The following RASGRF2 variants were observed in gnomAD, a reference collection of about 807,000 sequenced individuals.
The protein encoded by RASGRF2 is Ras protein specific guanine nucleotide releasing factor 2, also known as ras-specific guanine nucleotide-releasing factor 2.
In RASGRF2, 76 loss-of-function variants were observed where a neutral mutation model predicts 151.0. The observed-to-expected ratio is 0.50, with a 90% CI of 0.42 to 0.61. The LOEUF is 0.61. Ranked by LOEUF, RASGRF2 falls within the 20% of genes least tolerant of loss-of-function variation. The pLI is 0.00. For synonymous variants in RASGRF2, 504 were observed against 566.5 expected, an observed-to-expected ratio of 0.89 and a Z score of 1.57; for missense variants, 1,148 against 1,564.6, an observed-to-expected ratio of 0.73 and a Z score of 4.49.
chr5:81,033,653 T>G (rs1017607605), intron 1 of RASGRF2, among the ~76,000 whole-genome samples: 1 of 151,584 alleles, frequency 6.6e-6, no homozygotes, highest in African/African-American at 2.4e-5. Context: ...TAATTCAAGA[T>G]GGATTAAAGA....
chr5:81,185,665 T>C (rs1203207702), intron 18 of RASGRF2, among the ~76,000 whole-genome samples: 4 of 152,128 alleles, frequency 2.6e-5, no homozygotes, highest in Non-Finnish European at 4.4e-5. Context: ...TACACTATCA[T>C]ACTAAATTAT....
chr5:81,017,015 T>G (rs1400369643), intron 1 of RASGRF2, among the ~76,000 whole-genome samples: 2 of 152,196 alleles, frequency 1.3e-5, no homozygotes, highest in African/African-American at 4.8e-5. Context: ...TGTTTTTGTA[T>G]GTGCTGGTTG....
chr5:81,195,555 G>C (rs1755245208), intron 18 of RASGRF2, among the ~76,000 whole-genome samples: 1 of 147,314 alleles, frequency 6.8e-6, no homozygotes, highest in South Asian at 2.1e-4. Context: ...TTTACTTCTT[G>C]AGATTTTTTT....
intron 22 of RASGRF2, among the ~76,000 whole-genome samples, chr5:81,209,830 C>T (rs1235143043): frequency 6.6e-6 from 1 of 152,166 alleles, no homozygotes. Context: ...TTCATCTGCA[C>T]CCCAGAGCCG....
At chr5:81,045,987 C>T (rs1000951559) in intron 2 of RASGRF2, among the ~76,000 whole-genome samples, 1 of 152,146 alleles carries the variant, frequency 6.6e-6, no homozygotes, top group Non-Finnish European at 1.5e-5. Flanking sequence ...ATTTCACCCT[C>T]GAAAGACAGT....
intron 12 of RASGRF2, among the ~76,000 whole-genome samples, chr5:81,103,987 A>G (rs1373248827): frequency 6.6e-6 from 1 of 151,868 alleles, no homozygotes; most frequent in Non-Finnish European, 1.5e-5. Flanking sequence ...TTAAATGCAA[A>G]TAATATTGTA....
At chr5:81,014,095 T>C (rs967751387) in intron 1 of RASGRF2, among the ~76,000 whole-genome samples, 1 of 152,206 alleles carries the variant, frequency 6.6e-6, no homozygotes, top group Admixed American at 6.6e-5. Context: ...TAACTTCTTG[T>C]GGTCTATTTT....
chr5:81,175,153 A>G (rs1448577306), intron 17 of RASGRF2, among the ~76,000 whole-genome samples: 1 of 152,174 alleles, frequency 6.6e-6, no homozygotes, highest in Non-Finnish European at 1.5e-5. Context: ...TTTGCTTGCA[A>G]ATTGGGATAA....
At chr5:81,195,603 G>C (rs1334166955) in intron 18 of RASGRF2, among the ~76,000 whole-genome samples, 2 of 149,090 alleles carry the variant, frequency 1.3e-5, no homozygotes, top group African/African-American at 5.0e-5. Context: ...GATAAACAAA[G>C]GTAATGTAAG....
rs575991908 is a variant in RASGRF2 at position 81,217,228 on chromosome 5, A to G, written c.3435-128A>G. The G allele has an allele frequency of 8.8e-6, 12 of 1,368,260 alleles. No homozygotes were observed. The African/African-American group carries it at 1.2e-4, about 13-fold the overall frequency. The allele number at this position is 1,368,260 out of a possible 1,614,324, so 84.8% of individuals were successfully genotyped here. A position where few individuals can be genotyped will look rare whatever the true frequency, so the allele number is the denominator to read the frequency against. On this transcript the variant is annotated intron_variant, in intron 24 of 26. Coordinates refer to ENST00000265080, the MANE Select transcript of RASGRF2 (RefSeq NM_006909.3). Reference sequence around the variant, plus strand: ...CTGCGTATTATGAATATGCTTCTGAAACTGAAATAAAAAGGTTTTGCTCTT... The same window carrying G: ...CTGCGTATTATGAATATGCTTCTGAGACTGAAATAAAAAGGTTTTGCTCTT...
chr5:81,111,257 T>TC (rs1752984563), intron 13 of RASGRF2, among the ~76,000 whole-genome samples: 1 of 152,160 alleles, frequency 6.6e-6, no homozygotes, highest in African/African-American at 2.4e-5. Flanking sequence ...ACTTCATTGA[T>TC]CGCCGGTCCT....
At chr5:81,107,343 CAGA>C (rs1752873917) in intron 12 of RASGRF2, among the ~76,000 whole-genome samples, 1 of 152,024 alleles carries the variant, frequency 6.6e-6, no homozygotes. Flanking sequence ...GCCTAGGCAA[CAGA>C]ATGACAGTGT....
chr5:81,223,098 G>A (rs1755888722), intron 26 of RASGRF2, among the ~76,000 whole-genome samples: 1 of 152,164 alleles, frequency 6.6e-6, no homozygotes, highest in Non-Finnish European at 1.5e-5. Context: ...TAAGGAGAAA[G>A]TTGTATCATA....
chr5:80,966,702 C>T (rs1747734602), intron 1 of RASGRF2, among the ~76,000 whole-genome samples: 1 of 152,094 alleles, frequency 6.6e-6, no homozygotes, highest in Non-Finnish European at 1.5e-5. Context: ...ATATTGGCAT[C>T]AGTAGGTGGA....
At chr5:81,139,751 A>G (rs977450970) in intron 17 of RASGRF2, among the ~76,000 whole-genome samples, 5 of 151,998 alleles carry the variant, frequency 3.3e-5, no homozygotes, top group African/African-American at 1.2e-4. Flanking sequence ...TAAACATACA[A>G]TCAGCTCACA....
rs1356534414 is a variant in RASGRF2 at position 80,960,372 on chromosome 5, C to G, written c.-367C>G. On this transcript the variant is annotated 5_prime_UTR_variant, in exon 1 of 27. Coordinates refer to ENST00000265080, the MANE Select transcript of RASGRF2 (RefSeq NM_006909.3). This position sits in a 1 kb window ranked among gnomAD's most constrained non-coding sequence, Gnocchi z 5.5. ...CGCGTTGCCCGAGGACAGTCCTTCC[C>G]CGGCTGCCGCCCCAGCCCGCCGCGG... 6.6e-6 allele frequency among the ~76,000 whole-genome samples: 1 copy of G among 151,116 alleles called. No homozygotes were observed. Among genetic ancestry groups the G allele is most frequent in the African/African-American group, 2.4e-5 (1 of 41,346 alleles).
At chr5:81,151,489 C>T (rs1456857434) in intron 17 of RASGRF2, among the ~76,000 whole-genome samples, 1 of 151,472 alleles carries the variant, frequency 6.6e-6, no homozygotes, top group Non-Finnish European at 1.5e-5. Context: ...TGCTTCTTGC[C>T]CATTGACACT....
At chr5:81,202,013 G>C (rs1755406763) in intron 19 of RASGRF2, among the ~76,000 whole-genome samples, 1 of 152,200 alleles carries the variant, frequency 6.6e-6, no homozygotes, top group African/African-American at 2.4e-5. Context: ...ACTTCTATGT[G>C]ATAAAGGCTT....
At position 81,209,956 on chromosome 5, in the gene RASGRF2, C is replaced by T. The variant is rs549819891; in HGVS notation, c.3156+1518C>T. The T allele has an allele frequency of 2.0e-5, 3 of 152,740 alleles. No individual in the cohort carries two copies. In the South Asian group the frequency reaches 6.2e-4, roughly 32 times the overall value. 9.5% of individuals were successfully genotyped at this position (152,740 alleles called of 1,614,324 possible). On this transcript the variant is annotated intron_variant, in intron 22 of 26. Transcript: ENST00000265080. ...TCATCTTCTCCCTTACCAGCTCACC[C>T]TTACCACTGCCCAACATATTTGCAA...
Sources: allele counts gnomAD v4.1 joint callset (sites outside exome capture counted in the v4.1 genomes callset), GRCh38; gene constraint gnomAD v4.1.1; non-coding constraint Gnocchi (gnomAD v3.1); transcripts MANE v1.5; gene names NCBI Gene and HGNC (gene_info 2026-07-23, HGNC 2026-07-21).